The following FSTL5 variants were observed in gnomAD, a reference collection of about 807,000 sequenced individuals.
FSTL5 encodes follistatin-related protein 5.
A neutral mutation model predicts 89.1 loss-of-function variants in FSTL5; 62 were observed. The observed-to-expected ratio is 0.70, with a 90% CI of 0.57 to 0.86. The LOEUF is 0.86. FSTL5 is among the 40% of genes least tolerant of loss of function. The probability of loss-of-function intolerance (pLI) is 0.00; values close to 1 mark genes in which losing one functional copy is unlikely to be tolerated. For synonymous variants in FSTL5, 383 were observed against 346.2 expected, an observed-to-expected ratio of 1.11 and a Z score of -1.18; for missense variants, 1,057 against 1,001.6, an observed-to-expected ratio of 1.06 and a Z score of -0.75.
chr4:161,564,677 T>G (rs1211406333), intron 8 of FSTL5, among the ~76,000 whole-genome samples: 7 of 151,636 alleles, frequency 4.6e-5, no homozygotes, highest in Non-Finnish European at 8.8e-5. Flanking sequence ...TTAAATGCAT[T>G]TTTATTATTT....
chr4:161,472,906 G>A (rs1733998988), intron 13 of FSTL5, among the ~76,000 whole-genome samples: 1 of 151,914 alleles, frequency 6.6e-6, no homozygotes, highest in African/African-American at 2.4e-5. Flanking sequence ...TGTATTTTTA[G>A]TAGAGACGGG....
chr4:161,843,660 C>T (rs975669652), intron 4 of FSTL5, among the ~76,000 whole-genome samples: 1 of 152,130 alleles, frequency 6.6e-6, no homozygotes, highest in South Asian at 2.1e-4. Context: ...ACTATCTGAT[C>T]TTTGACAAAC....
intron 4 of FSTL5, among the ~76,000 whole-genome samples, chr4:161,781,707 C>G (rs551076261): frequency 2.0e-5 from 3 of 152,204 alleles, no homozygotes; most frequent in Admixed American, 6.5e-5. Flanking sequence ...TAGTTACAAT[C>G]GATGAACAAA....
chr4:161,596,413 T>C (rs182306110), intron 7 of FSTL5, among the ~76,000 whole-genome samples: 1 of 152,074 alleles, frequency 6.6e-6, no homozygotes, highest in East Asian at 1.9e-4. Flanking sequence ...CTGCATTCTC[T>C]GGTATGAAAG....
At chr4:161,986,708 T>C (rs1483990973) in intron 3 of FSTL5, among the ~76,000 whole-genome samples, 4 of 152,154 alleles carry the variant, frequency 2.6e-5, no homozygotes, top group Non-Finnish European at 5.9e-5. Context: ...TTTTTTCACC[T>C]TGTGAATTAA....
chr4:161,892,050 A>G (rs576690330), intron 4 of FSTL5, among the ~76,000 whole-genome samples: 62 of 152,014 alleles, frequency 4.1e-4, no homozygotes, highest in Middle Eastern at 3.4e-3. Context: ...TCCAATTAAT[A>G]TTAGCTATTC....
At chr4:161,440,676 C>T (rs768144208) in intron 15 of FSTL5, among the ~76,000 whole-genome samples, 11 of 152,252 alleles carry the variant, frequency 7.2e-5, no homozygotes, top group Admixed American at 1.3e-4. Flanking sequence ...GATAATCACA[C>T]ATCTCAATGA....
At chr4:162,008,405 A>G (rs551549388) in intron 3 of FSTL5, among the ~76,000 whole-genome samples, 64 of 152,000 alleles carry the variant, frequency 4.2e-4, no homozygotes, top group African/African-American at 1.4e-3. Flanking sequence ...AATACTTCAG[A>G]TTGCTTAGGC....
chr4:161,483,423 C>G (rs543714686), intron 12 of FSTL5, among the ~76,000 whole-genome samples: 1 of 152,280 alleles, frequency 6.6e-6, no homozygotes, highest in East Asian at 1.9e-4. Flanking sequence ...TGCTGAAACA[C>G]GAAAGATTTC....
At position 161,621,317 on chromosome 4, in the gene FSTL5, T is replaced by C. The variant is rs73862345; in HGVS notation, c.895-33742A>G. On this transcript the variant is annotated intron_variant, in intron 7 of 15. Transcript: ENST00000306100. ...ACACACACACACACAAACACAAAAT[T>C]TGGCCAAAGAAGAAATCAATTACAA... Among the ~76,000 whole-genome samples the C allele has an allele frequency of 6.5e-3, 906 of 139,372 alleles. 6 individuals carry two copies. Among genetic ancestry groups the C allele is most frequent in the African/African-American group, 0.024 (860 of 35,588 alleles). The allele number at this position is 139,372 out of a possible 152,430, so 91.4% of individuals were successfully genotyped here.
intron 4 of FSTL5, among the ~76,000 whole-genome samples, chr4:161,835,866 C>G (rs1311214176): frequency 6.7e-6 from 1 of 150,364 alleles, no homozygotes; most frequent in African/African-American, 2.4e-5. Flanking sequence ...GGACTGTAAA[C>G]TAGTTCAACC....
At chr4:161,613,303 T>C (rs1456036076) in intron 7 of FSTL5, among the ~76,000 whole-genome samples, 2 of 151,356 alleles carry the variant, frequency 1.3e-5, no homozygotes, top group Non-Finnish European at 2.9e-5. Flanking sequence ...ATACAAAAAT[T>C]AGTTGGGCAT....
At chr4:162,066,358 T>TCTC (rs1561000571) in intron 2 of FSTL5, among the ~76,000 whole-genome samples, 2 of 136,144 alleles carry the variant, frequency 1.5e-5, no homozygotes, top group Admixed American at 8.1e-5. Flanking sequence ...TTCTTCTCCT[T>TCTC]CTTCTTCTTC....
At chr4:161,398,699 A>T (rs1731082428) in intron 15 of FSTL5, among the ~76,000 whole-genome samples, 1 of 152,146 alleles carries the variant, frequency 6.6e-6, no homozygotes, top group African/African-American at 2.4e-5. Flanking sequence ...AGAGTGCTCA[A>T]TGGAATAGGC....
chr4:161,585,888 A>T (rs1405605923), intron 8 of FSTL5, among the ~76,000 whole-genome samples: 1 of 152,188 alleles, frequency 6.6e-6, no homozygotes, highest in Non-Finnish European at 1.5e-5. Flanking sequence ...AGGCCACTGG[A>T]AACACCATGA....
intron 6 of FSTL5, among the ~76,000 whole-genome samples, chr4:161,678,148 AT>A (rs1737375491): frequency 6.6e-6 from 1 of 151,778 alleles, no homozygotes; most frequent in African/African-American, 2.4e-5. Flanking sequence ...TCTATGATAT[AT>A]TTTTATGTGG....
At chr4:162,100,058 T>C (rs563116758) in intron 2 of FSTL5, among the ~76,000 whole-genome samples, 1 of 152,204 alleles carries the variant, frequency 6.6e-6, no homozygotes, top group South Asian at 2.1e-4. Flanking sequence ...CCAGCGATCA[T>C]GCTCCTTGGT....
At chr4:161,573,053 G>A (rs1578935874) in intron 8 of FSTL5, among the ~76,000 whole-genome samples, 1 of 152,178 alleles carries the variant, frequency 6.6e-6, no homozygotes, top group East Asian at 1.9e-4. Context: ...TCAAAGGACA[G>A]TTTAGTAATT....
At chr4:161,922,868 C>T (rs1734029559) in intron 3 of FSTL5, among the ~76,000 whole-genome samples, 1 of 151,810 alleles carries the variant, frequency 6.6e-6, no homozygotes, top group Non-Finnish European at 1.5e-5. Flanking sequence ...GCAAGTTTTG[C>T]TATTTTTACA....
Sources: allele counts gnomAD v4.1 joint callset (sites outside exome capture counted in the v4.1 genomes callset), GRCh38; gene constraint gnomAD v4.1.1; transcripts MANE v1.5; gene names NCBI Gene and HGNC (gene_info 2026-07-23, HGNC 2026-07-21).